The following CDK5RAP2 variants were observed in gnomAD, a reference collection of about 807,000 sequenced individuals.
CDK5RAP2 encodes the protein CDK5 regulatory subunit-associated protein 2.
In CDK5RAP2, 147 loss-of-function variants were observed where a neutral mutation model predicts 232.9. The ratio of observed to expected loss-of-function variants is 0.63; its 90% CI spans 0.55 to 0.72. The LOEUF (loss-of-function observed/expected upper bound fraction) is 0.72. CDK5RAP2 is among the 30% of genes least tolerant of loss of function. CDK5RAP2 has a pLI of 0.00. For synonymous variants in CDK5RAP2, 833 were observed against 833.7 expected (o/e 1.00, Z 0.01); for missense variants, 2,195 against 2,231.5 (o/e 0.98, Z 0.33).
chr9:120,439,505 GC>G lies in CDK5RAP2; in HGVS notation c.3615del (p.Gln1205HisfsTer15). ...TGCAGCTTGTATTCCTGTTCCTCCA[GC>G]TGCTGTTTGAGGTTCTCCAGCACCC... ...DSRVLENLKQ[Q>X]LEEQEYKLQK... On this transcript the variant is annotated frameshift_variant, in exon 24 of 38. Transcript: ENST00000349780. LOFTEE classifies it high-confidence loss of function. The G allele has an allele frequency of 6.2e-7, 1 of 1,614,194 alleles. No individual in the cohort carries two copies. Among genetic ancestry groups the G allele is most frequent in the Non-Finnish European group, 8.5e-7 (1 of 1,180,020 alleles).
intron 2 of CDK5RAP2, among the ~76,000 whole-genome samples, chr9:120,570,446 T>C (rs1389857268): frequency 6.6e-6 from 1 of 152,190 alleles, no homozygotes; most frequent in Non-Finnish European, 1.5e-5. Context: ...TCATAAGGGT[T>C]TGTCTGTCTT....
chr9:120,404,020 G>A lies in CDK5RAP2; in HGVS notation c.5041+16C>T. The A allele has an allele frequency of 6.4e-7, 1 of 1,572,140 alleles. No homozygotes were observed. The highest frequency in any genetic ancestry group is 8.8e-7 in the Non-Finnish European group (1 of 1,141,702). On this transcript the variant is annotated intron_variant, in intron 33 of 37. Transcript: ENST00000349780. The stretch of plus-strand genomic sequence containing the variant: ...CATCCAATGCTCCCACAGTTACCTG[G>A]ACTTCAGCTTTGTACCTGATTTTGG...
At chr9:120,497,628 T>C (rs1244989466) in intron 12 of CDK5RAP2, among the ~76,000 whole-genome samples, 2 of 152,104 alleles carry the variant, frequency 1.3e-5, no homozygotes. Context: ...ACCTCATCAA[T>C]AATGACAGAC....
At chr9:120,530,165 T>C in intron 7 of CDK5RAP2, 25 bp from the exon 8 acceptor site, 1 of 1,591,972 alleles carries the variant, frequency 6.3e-7, no homozygotes, top group East Asian at 2.2e-5. Flanking sequence ...AATTTAAATA[T>C]TAATTCTAAG....
intron 12 of CDK5RAP2, among the ~76,000 whole-genome samples, chr9:120,502,801 G>C (rs1023937614): frequency 6.6e-6 from 1 of 152,152 alleles, no homozygotes; most frequent in African/African-American, 2.4e-5. Context: ...AGCATCAACA[G>C]AACCTTGGGG....
At chr9:120,511,539 T>A (rs1412664445) in intron 12 of CDK5RAP2, among the ~76,000 whole-genome samples, 3 of 152,166 alleles carry the variant, frequency 2.0e-5, no homozygotes, top group African/African-American at 7.2e-5. Flanking sequence ...CTCAAAGTAC[T>A]CTTTATAAAA....
chr9:120,446,194 A>T (rs1227366407), intron 22 of CDK5RAP2, among the ~76,000 whole-genome samples: 1 of 152,166 alleles, frequency 6.6e-6, no homozygotes, highest in Non-Finnish European at 1.5e-5. Flanking sequence ...GTTTCAATAA[A>T]ATTTTATTTC....
chr9:120,403,244 C>T lies in CDK5RAP2; in HGVS notation c.5042-173G>A, dbSNP rs2033192587. On this transcript the variant is annotated intron_variant, in intron 33 of 37. Coordinates refer to ENST00000349780, the MANE Select transcript of CDK5RAP2 (RefSeq NM_018249.6). The surrounding 1 kb of genome is among the most constrained non-coding windows in gnomAD (Gnocchi z 4.2). Reference sequence around the variant, plus strand: ...CGCTCCTGGACCTCTGTATATTACCCCACACTGGGCTTATGAGTCATCTTG... The same window carrying T: ...CGCTCCTGGACCTCTGTATATTACCTCACACTGGGCTTATGAGTCATCTTG... 3 of 619,480 alleles carry T rather than the reference C, an allele frequency of 4.8e-6. No individual in the cohort carries two copies. Among genetic ancestry groups the T allele is most frequent in the South Asian group, 1.9e-5 (1 of 51,824 alleles). The allele number at this position is 619,480 out of a possible 1,614,324, so 38.4% of individuals were successfully genotyped here. A position where few individuals can be genotyped will look rare whatever the true frequency, so the allele number is the denominator to read the frequency against.
At chr9:120,574,551 T>C (rs1050847035) in intron 1 of CDK5RAP2, among the ~76,000 whole-genome samples, 6 of 152,206 alleles carry the variant, frequency 3.9e-5, no homozygotes, top group Admixed American at 3.9e-4. Context: ...TGCTAGCCTG[T>C]GTGTGGACTG....
chr9:120,565,373 T>G (rs2042611923), intron 3 of CDK5RAP2, among the ~76,000 whole-genome samples: 1 of 152,128 alleles, frequency 6.6e-6, no homozygotes, highest in African/African-American at 2.4e-5. Context: ...ACCACCAGCC[T>G]TGCTCCCCTC....
chr9:120,473,966 A>G (rs1340196281), intron 15 of CDK5RAP2, among the ~76,000 whole-genome samples: 3 of 152,206 alleles, frequency 2.0e-5, no homozygotes, highest in African/African-American at 7.2e-5. Context: ...TCACTCAGAA[A>G]AAAACAAAAA....
intron 15 of CDK5RAP2, among the ~76,000 whole-genome samples, chr9:120,472,641 G>A (rs1372239571): frequency 6.6e-6 from 1 of 152,178 alleles, no homozygotes; most frequent in Non-Finnish European, 1.5e-5. Flanking sequence ...ACTCAGAAAC[G>A]CATAGTATGA....
Position 120,539,084 on chromosome 9 carries a change from T to C in CDK5RAP2, c.464A>G (p.Gln155Arg), listed in dbSNP as rs1177523655. Reference protein sequence around the residue: ...VKEDARKKVQQVEDLLTKRIL... With the variant: ...VKEDARKKVQRVEDLLTKRIL... ...TCTTTTAGTTAGGAGATCTTCCACCTGCTGCACCTTCTTTCGAGCATCTTC... is the reference window on the plus strand; with the variant it reads ...TCTTTTAGTTAGGAGATCTTCCACCCGCTGCACCTTCTTTCGAGCATCTTC... The change falls in exon 6 of 38, where the codon CAG becomes CGG. Residue 155 changes from glutamine (Q) to arginine (R), a missense_variant. Coordinates refer to ENST00000349780, the MANE Select transcript of CDK5RAP2 (RefSeq NM_018249.6). 1.9e-6 allele frequency: 3 copies of C among 1,614,014 alleles called. No homozygotes were observed. Among genetic ancestry groups the C allele is most frequent in the Non-Finnish European group, 1.7e-6 (2 of 1,179,878 alleles).
chr9:120,464,862 T>C (rs1357481697), intron 18 of CDK5RAP2, among the ~76,000 whole-genome samples: 1 of 152,352 alleles, frequency 6.6e-6, no homozygotes. Context: ...TAATAACGTA[T>C]GAAGTCAAAT....
In CDK5RAP2 at chr9:120,411,426, G is replaced by C; in HGVS notation, c.4346C>G (p.Thr1449Arg). The C allele has an allele frequency of 6.2e-7, 1 of 1,613,340 alleles. No individual in the cohort carries two copies. Among genetic ancestry groups the C allele is most frequent in the South Asian group, 1.1e-5 (1 of 91,062 alleles). ...ASGSELHSSL[T>R]SEIHFLRKQN... ...CTTCCTCAAGAAATGAATTTCTGAT[G>C]TTAGAGAACTATGAAGCTCTGAACC... Residue 1449 changes from threonine to arginine, a missense_variant, in exon 29 of 38, where the codon ACA becomes AGA. Coordinates refer to ENST00000349780, the MANE Select transcript of CDK5RAP2 (RefSeq NM_018249.6).
At chr9:120,467,007 C>A (rs1014226119) in intron 18 of CDK5RAP2, among the ~76,000 whole-genome samples, 2 of 152,158 alleles carry the variant, frequency 1.3e-5, no homozygotes, top group Non-Finnish European at 2.9e-5. Context: ...TGCTAACATG[C>A]GCATGAAGCA....
At chr9:120,438,399 T>C (rs936408376) in intron 24 of CDK5RAP2, among the ~76,000 whole-genome samples, 2 of 152,198 alleles carry the variant, frequency 1.3e-5, no homozygotes, top group African/African-American at 2.4e-5. Flanking sequence ...AGTGTGCACA[T>C]GCAGATTACA....
intron 27 of CDK5RAP2, among the ~76,000 whole-genome samples, chr9:120,419,076 G>A (rs1329056478): frequency 6.6e-6 from 1 of 152,170 alleles, no homozygotes; most frequent in African/African-American, 2.4e-5. Context: ...CTCACAGTGA[G>A]ATCAGTGCCC....
chr9:120,518,897 C>T (rs1202542236), intron 11 of CDK5RAP2, among the ~76,000 whole-genome samples: 1 of 152,146 alleles, frequency 6.6e-6, no homozygotes, highest in African/African-American at 2.4e-5. Flanking sequence ...AAATTCTCAG[C>T]TGGGCACAGT....
Sources: allele counts gnomAD v4.1 joint callset (sites outside exome capture counted in the v4.1 genomes callset), GRCh38; gene constraint gnomAD v4.1.1; non-coding constraint Gnocchi (gnomAD v3.1); transcripts MANE v1.5; gene names NCBI Gene and HGNC (gene_info 2026-07-23, HGNC 2026-07-21).